CIAPIN1: variants seen among roughly 807,000 people sequenced by gnomAD.
CIAPIN1 encodes cytokine induced apoptosis inhibitor 1.
CIAPIN1 carries 18 observed loss-of-function variants against 34.3 expected under a neutral mutation model. That is an observed-to-expected ratio of 0.52 (90% CI 0.36 to 0.78). The LOEUF is 0.78. CIAPIN1 is among the 30% of genes least tolerant of loss of function. CIAPIN1 has a pLI of 0.00. For missense variants in CIAPIN1, 310 were observed against 372.5 expected, an observed-to-expected ratio of 0.83 and a Z score of 1.38; for synonymous variants, 131 against 140.4, an observed-to-expected ratio of 0.93 and a Z score of 0.47.
intron 5 of CIAPIN1, 89 bp from the exon 6 acceptor site, chr16:57,432,649 A>C (rs1903114610): frequency 1.5e-5 from 18 of 1,197,780 alleles, no homozygotes; most frequent in Non-Finnish European, 2.2e-5. Context: ...TGCTGTGTAG[A>C]AGAGAACACA....
chr16:57,443,789 G>A (rs1259024044), intron 1 of CIAPIN1, among the ~76,000 whole-genome samples: 3 of 152,172 alleles, frequency 2.0e-5, no homozygotes, highest in African/African-American at 7.2e-5. Context: ...ACACAATCAA[G>A]AACTGAAACT....
rs746851045 is a variant in CIAPIN1 at position 57,431,103 on chromosome 16, GA to G, written c.746+47del. 3 of 1,162,076 alleles carry G rather than the reference GA, an allele frequency of 2.6e-6. No homozygotes were observed. The South Asian group carries it at 3.7e-5, about 14-fold the overall frequency. The allele number at this position is 1,162,076 out of a possible 1,614,324, so 72.0% of individuals were successfully genotyped here. On this transcript the variant is annotated intron_variant, in intron 7 of 8. Transcript: ENST00000394391. The stretch of plus-strand genomic sequence containing the variant: ...TACAGCACCGCGATGTCTTCAGCAT[GA>G]AGCCACTGGAGGCAGCATGGCAGGC...
intron 4 of CIAPIN1, among the ~76,000 whole-genome samples, chr16:57,435,155 A>G (rs535564144): frequency 1.3e-4 from 20 of 152,098 alleles, no homozygotes; most frequent in Non-Finnish European, 2.6e-4. Flanking sequence ...TTCTCATGAG[A>G]TGTGGTGGTT....
intron 4 of CIAPIN1, among the ~76,000 whole-genome samples, chr16:57,436,372 C>T (rs997558501): frequency 2.6e-5 from 4 of 152,116 alleles, no homozygotes; most frequent in African/African-American, 9.7e-5. Context: ...GGACTACAGG[C>T]GTCTGCCACC....
At chr16:57,429,382 G>A in intron 8 of CIAPIN1, 102 bp from the exon 9 acceptor site, 1 of 746,184 alleles carries the variant, frequency 1.3e-6, no homozygotes, top group East Asian at 2.6e-5. Flanking sequence ...GTGGCCTGAA[G>A]GAAATGGCTA....
intron 1 of CIAPIN1, 33 bp from the exon 2 acceptor site, chr16:57,441,016 A>T: frequency 7.2e-7 from 1 of 1,382,080 alleles, no homozygotes; most frequent in East Asian, 2.3e-5. Flanking sequence ...TTAATCTGTG[A>T]GATATCATAA....
intron 8 of CIAPIN1, among the ~76,000 whole-genome samples, chr16:57,429,641 G>A (rs1335313601): frequency 6.6e-5 from 10 of 151,620 alleles, no homozygotes; most frequent in African/African-American, 1.2e-4. Flanking sequence ...ACAGGCGCCC[G>A]CTACCATGCC....
intron 3 of CIAPIN1, among the ~76,000 whole-genome samples, chr16:57,438,072 A>C (rs1251839658): frequency 6.6e-6 from 1 of 152,222 alleles, no homozygotes; most frequent in Non-Finnish European, 1.5e-5. Flanking sequence ...CACTACATTT[A>C]GTCATGTAAG....
rs1903260511 is a variant in CIAPIN1 at position 57,438,776 on chromosome 16, CGA to C, written c.310+404_310+405del. 2.0e-5 allele frequency among the ~76,000 whole-genome samples: 3 copies of C among 152,280 alleles called. No individual in the cohort carries two copies. The South Asian group carries it at 6.2e-4, about 32-fold the overall frequency. On this transcript the variant is annotated intron_variant, in intron 3 of 8. Coordinates refer to ENST00000394391, the MANE Select transcript of CIAPIN1 (RefSeq NM_020313.4). ...CTCCACCGCCACAATTTTGTTATTT[CGA>C]GCATATGAATGGATTTGTACAGTAC...
At chr16:57,430,698 T>C (rs767562549) in intron 7 of CIAPIN1, 1 of 273,054 alleles carries the variant, frequency 3.7e-6, no homozygotes, top group Non-Finnish European at 7.0e-6. Context: ...TGCTGGCAGC[T>C]TTTACATTTA....
chr16:57,430,115 T>C, intron 8 of CIAPIN1, 143 bp downstream of exon 8: 1 of 686,128 alleles, frequency 1.5e-6, no homozygotes, highest in Non-Finnish European at 2.6e-6. Flanking sequence ...ACAGCCTCTC[T>C]CCCCATTACT....
intron 5 of CIAPIN1, among the ~76,000 whole-genome samples, chr16:57,433,025 G>A (rs770908667): frequency 1.3e-5 from 2 of 152,102 alleles, no homozygotes; most frequent in African/African-American, 4.8e-5. Flanking sequence ...GTTACTGCAG[G>A]TGTTTTGAGG....
At chr16:57,435,184 C>A (rs1283338053) in intron 4 of CIAPIN1, among the ~76,000 whole-genome samples, 1 of 152,094 alleles carries the variant, frequency 6.6e-6, no homozygotes, top group African/African-American at 2.4e-5. Context: ...TGGCACCTTC[C>A]CCACCCCGAC....
intron 6 of CIAPIN1, chr16:57,431,603 G>A (rs570025915): frequency 2.1e-4 from 38 of 178,450 alleles, no homozygotes; most frequent in Non-Finnish European, 4.0e-4. Flanking sequence ...AGGCAGAACA[G>A]AGAAAGAGAG....
At chr16:57,446,216 GT>G (rs1567575634) in intron 1 of CIAPIN1, among the ~76,000 whole-genome samples, 1 of 152,180 alleles carries the variant, frequency 6.6e-6, no homozygotes, top group Non-Finnish European at 1.5e-5. Flanking sequence ...AGGAATTAGG[GT>G]TTCAGAAAGG....
intron 1 of CIAPIN1, among the ~76,000 whole-genome samples, 170 bp downstream of exon 1, chr16:57,447,172 A>G (rs1598033283): frequency 6.6e-6 from 1 of 151,836 alleles, no homozygotes; most frequent in Non-Finnish European, 1.5e-5. Context: ...GGCCCCTCAC[A>G]CCGACTTCTC....
intron 8 of CIAPIN1, 74 bp from the exon 9 acceptor site, chr16:57,429,354 T>A (rs1903027384): frequency 9.9e-7 from 1 of 1,007,054 alleles, no homozygotes. Flanking sequence ...AAATGCCTAA[T>A]TTCATAATGT....
intron 5 of CIAPIN1, 71 bp downstream of exon 5, chr16:57,433,973 T>C: frequency 1.5e-6 from 2 of 1,348,020 alleles, no homozygotes; most frequent in Non-Finnish European, 2.1e-6. Context: ...ATCTCATTTA[T>C]TGCTGGCTCA....
At chr16:57,445,094 G>A (rs892336902) in intron 1 of CIAPIN1, among the ~76,000 whole-genome samples, 1 of 152,188 alleles carries the variant, frequency 6.6e-6, no homozygotes, top group Non-Finnish European at 1.5e-5. Context: ...CTGGTGAAAG[G>A]GGACAAAAGC....
Sources: allele counts gnomAD v4.1 joint callset (sites outside exome capture counted in the v4.1 genomes callset), GRCh38; gene constraint gnomAD v4.1.1; transcripts MANE v1.5; gene names NCBI Gene and HGNC (gene_info 2026-07-23, HGNC 2026-07-21).